The following IPO9 variants were observed in gnomAD, a reference collection of about 807,000 sequenced individuals.
IPO9 encodes the protein importin-9.
Under a neutral mutation model 128.6 loss-of-function variants are expected in IPO9, and 28 were observed. That is an observed-to-expected ratio of 0.22 (90% CI 0.16 to 0.30). The LOEUF (loss-of-function observed/expected upper bound fraction) is 0.30. IPO9 is among the 10% of genes least tolerant of loss of function. The pLI is 1.00. For synonymous variants in IPO9, 455 were observed against 475.8 expected, an observed-to-expected ratio of 0.96 and a Z score of 0.57; for missense variants, 935 against 1,293.9, an observed-to-expected ratio of 0.72 and a Z score of 4.26.
rs57906916 is a variant in IPO9 at position 201,859,216 on chromosome 1, T to G, written c.1468+222T>G. On this transcript the variant is annotated intron_variant, in intron 13 of 23. Transcript: ENST00000361565. ...ATATATATATATATATAAAGGAAAC[T>G]CTTTAAACCTGTCATTAACTTGGTT... 5.3e-3 allele frequency among the ~76,000 whole-genome samples: 753 copies of G among 142,760 alleles called. 9 individuals are homozygous for G. Among genetic ancestry groups the G allele is most frequent in the African/African-American group, 0.019 (715 of 37,652 alleles). 93.7% of individuals were successfully genotyped at this position (142,760 alleles called of 152,430 possible). A position where few individuals can be genotyped will look rare whatever the true frequency, so the allele number is the denominator to read the frequency against.
Position 201,876,452 on chromosome 1 carries a change from C to T in IPO9, c.*398C>T, listed in dbSNP as rs1269781939. On this transcript the variant is annotated 3_prime_UTR_variant, in exon 24 of 24. Coordinates refer to ENST00000361565, the MANE Select transcript of IPO9 (RefSeq NM_018085.5). ...CATTTATATTCTAAAACAGACCTAT[C>T]TATGTTCATAGGACTTCTGATGTGT... 5.7e-6 allele frequency: 2 copies of T among 350,740 alleles called. No homozygotes were observed. Among genetic ancestry groups the T allele is most frequent in the Non-Finnish European group, 1.1e-5 (2 of 177,614 alleles). The allele number at this position is 350,740 out of a possible 1,614,324, so 21.7% of individuals were successfully genotyped here. A position where few individuals can be genotyped will look rare whatever the true frequency, so the allele number is the denominator to read the frequency against.
At position 201,844,736 on chromosome 1, in the gene IPO9, C is replaced by G. The variant is rs1170022750; in HGVS notation, c.164-2543C>G. Among the ~76,000 whole-genome samples the G allele has an allele frequency of 4.6e-5, 7 of 152,128 alleles. No individual in the cohort carries two copies. In the East Asian group the frequency reaches 1.4e-3, roughly 29 times the overall value. ...TATTAACCTGGTTACTTGGATAAGC[C>G]CTGAACCTGAAACATTGCATGTAAC... On this transcript the variant is annotated intron_variant, in intron 1 of 23. Transcript: ENST00000361565.
rs1680930863 is a variant in IPO9 at position 201,883,645 on chromosome 1, A to G, written c.*7591A>G. ...TAGAGGGCTCACCTCAATGTTTTGC[A>G]CTGTGTGAGACCCCAGGACCTTTTC... On this transcript the variant is annotated 3_prime_UTR_variant, in exon 24 of 24. Coordinates refer to ENST00000361565, the MANE Select transcript of IPO9 (RefSeq NM_018085.5). The G allele has an allele frequency of 1.3e-5, 2 of 152,202 alleles. No individual in the cohort carries two copies. Among genetic ancestry groups the G allele is most frequent in the Non-Finnish European group, 2.9e-5 (2 of 68,062 alleles). The allele number at this position is 152,202 out of a possible 1,614,324, so 9.4% of individuals were successfully genotyped here.
At chr1:201,874,447 G>A in intron 21 of IPO9, 75 bp downstream of exon 21, 1 of 1,528,364 alleles carries the variant, frequency 6.5e-7, no homozygotes, top group South Asian at 1.2e-5. Context: ...TATCAACTTG[G>A]TTTGTTGAGT....
intron 14 of IPO9, among the ~76,000 whole-genome samples, chr1:201,865,766 T>C (rs925566131): frequency 6.6e-6 from 1 of 152,214 alleles, no homozygotes; most frequent in African/African-American, 2.4e-5. Context: ...GAATGTTGCT[T>C]ATCATGTCCA....
At position 201,852,154 on chromosome 1, in the gene IPO9, A is replaced by G; in HGVS notation, c.565A>G (p.Ile189Val). The change falls in exon 5 of 24, where the codon ATT becomes GTT. Residue 189 changes from isoleucine to valine, a missense_variant. Ile to Val is a conservative substitution (Grantham distance 29). Around this residue, in one of 3 missense-constraint regions of IPO9, gnomAD observed 741 missense variants for 1,019.1 expected, o/e 0.73. Coordinates refer to ENST00000361565, the MANE Select transcript of IPO9 (RefSeq NM_018085.5). ...ACAGATGCCACTTGTTGCTCCTGTC[A>G]TTCTCCCAGAGATGTATAAGATCTT... Reference protein sequence around the residue: ...DTQMPLVAPVILPEMYKIFTM... With the variant: ...DTQMPLVAPVVLPEMYKIFTM... 6.2e-7 allele frequency: 1 copy of G among 1,613,198 alleles called. No individual in the cohort carries two copies. The highest frequency in any genetic ancestry group is 8.5e-7 in the Non-Finnish European group (1 of 1,179,242).
intron 20 of IPO9, among the ~76,000 whole-genome samples, chr1:201,873,184 T>C (rs527818860): frequency 1.1e-3 from 162 of 152,344 alleles, no homozygotes; most frequent in African/African-American, 3.8e-3. Flanking sequence ...GGCTCACGCC[T>C]GTAATCCCAG....
At position 201,872,950 on chromosome 1, in the gene IPO9, A is replaced by G. The variant is rs1343280778; in HGVS notation, c.2699A>G (p.Lys900Arg). 1 of 1,612,440 alleles carries G rather than the reference A, an allele frequency of 6.2e-7. No individual in the cohort carries two copies. The highest frequency in any genetic ancestry group is 1.7e-5 in the Admixed American group (1 of 59,800). Residue 900 changes from lysine (K) to arginine (R), a missense_variant, in exon 20 of 24, where the codon AAG becomes AGG. Physicochemically the swap from Lys to Arg is conservative, Grantham distance 26. Coordinates refer to ENST00000361565, the MANE Select transcript of IPO9 (RefSeq NM_018085.5). ...SMDEGIRTRSKSAKNPERWTN... is the reference protein window; with the variant it reads ...SMDEGIRTRSRSAKNPERWTN... ...GATGAGGGCATCCGCACCCGCTCTA[A>G]GTCAGCCAAAAGTGGGTGCTGCTGC...
intron 23 of IPO9, 97 bp downstream of exon 23, chr1:201,875,325 C>T: frequency 9.1e-7 from 1 of 1,102,084 alleles, no homozygotes; most frequent in Non-Finnish European, 1.4e-6. Context: ...CATGGTGGCT[C>T]ATGCCTGTAA....
chr1:201,864,346 C>T (rs929719359), intron 14 of IPO9, among the ~76,000 whole-genome samples: 2 of 152,184 alleles, frequency 1.3e-5, no homozygotes, highest in Non-Finnish European at 2.9e-5. Flanking sequence ...TTTTCTGCTT[C>T]AATCTAGGTG....
intron 1 of IPO9, among the ~76,000 whole-genome samples, chr1:201,838,051 CAA>C (rs1049808806): frequency 6.6e-6 from 1 of 152,026 alleles, no homozygotes; most frequent in African/African-American, 2.4e-5. Flanking sequence ...GTCTGGGCAA[CAA>C]GAGTGCAACT....
chr1:201,837,831 G>T (rs972892303), intron 1 of IPO9, among the ~76,000 whole-genome samples: 1 of 152,190 alleles, frequency 6.6e-6, no homozygotes, highest in Non-Finnish European at 1.5e-5. Context: ...AGCACTTTGG[G>T]AGGCTGAGGC....
At chr1:201,875,338 C>A in intron 23 of IPO9, 110 bp downstream of exon 23, 2 of 996,876 alleles carry the variant, frequency 2.0e-6, no homozygotes, top group Non-Finnish European at 3.2e-6. Flanking sequence ...GCCTGTAATC[C>A]CAACACTTTG....
At position 201,877,063 on chromosome 1, in the gene IPO9, T is replaced by C. The variant is rs1680778234; in HGVS notation, c.*1009T>C. On this transcript the variant is annotated 3_prime_UTR_variant, in exon 24 of 24. Coordinates refer to ENST00000361565, the MANE Select transcript of IPO9 (RefSeq NM_018085.5). ...GGGAAAGGATTAGGTGGAGCCTGTCTAAACATTCTAGTGTGTCTTGGCAAA... is the reference window on the plus strand; with the variant it reads ...GGGAAAGGATTAGGTGGAGCCTGTCCAAACATTCTAGTGTGTCTTGGCAAA... 1 of 152,490 alleles carries C rather than the reference T, an allele frequency of 6.6e-6. No homozygotes were observed. Among genetic ancestry groups the C allele is most frequent in the South Asian group, 2.1e-4 (1 of 4,832 alleles). The allele number at this position is 152,490 out of a possible 1,614,324, so 9.4% of individuals were successfully genotyped here.
chr1:201,842,490 T>A (rs559204365), intron 1 of IPO9, among the ~76,000 whole-genome samples: 2 of 152,110 alleles, frequency 1.3e-5, no homozygotes, highest in Non-Finnish European at 2.9e-5. Context: ...GCCTAGATAT[T>A]TCCAGTGACC....
intron 6 of IPO9, among the ~76,000 whole-genome samples, chr1:201,853,983 A>C (rs1680272801): frequency 6.6e-6 from 1 of 151,500 alleles, no homozygotes; most frequent in African/African-American, 2.4e-5. Flanking sequence ...TGATCCACCC[A>C]CCTCGGCCTC....
intron 14 of IPO9, among the ~76,000 whole-genome samples, chr1:201,865,937 T>C (rs1215469975): frequency 1.3e-5 from 2 of 152,192 alleles, no homozygotes; most frequent in Non-Finnish European, 2.9e-5. Context: ...ACTTTGCCCC[T>C]CTAATGAACT....
chr1:201,880,266 A>T lies in IPO9; in HGVS notation c.*4212A>T, dbSNP rs1188159172. 1 of 152,184 alleles carries T rather than the reference A, an allele frequency of 6.6e-6. No individual in the cohort carries two copies. The highest frequency in any genetic ancestry group is 2.4e-5 in the African/African-American group (1 of 41,448). 9.4% of individuals were successfully genotyped at this position (152,184 alleles called of 1,614,324 possible). On this transcript the variant is annotated 3_prime_UTR_variant, in exon 24 of 24. Transcript: ENST00000361565. ...AACTCCAGTGTGGTTCTAGGATGAG[A>T]TAATAAAAACAGGTTGTCTAGGGTA...
rs1427219855 is a variant in IPO9 at position 201,879,828 on chromosome 1, C to T, written c.*3774C>T. On this transcript the variant is annotated 3_prime_UTR_variant, in exon 24 of 24. Transcript: ENST00000361565. ...CCTAGGTGGGTAAATCAGCTGAGAT[C>T]AGGAGTTCGAGACCAGCCTGGCCAA... The T allele has an allele frequency of 1.3e-5, 2 of 152,140 alleles. No individual in the cohort carries two copies. The highest frequency in any genetic ancestry group is 2.9e-5 in the Non-Finnish European group (2 of 68,044). The allele number at this position is 152,140 out of a possible 1,614,324, so 9.4% of individuals were successfully genotyped here. A position where few individuals can be genotyped will look rare whatever the true frequency, so the allele number is the denominator to read the frequency against.
Sources: allele counts gnomAD v4.1 joint callset (sites outside exome capture counted in the v4.1 genomes callset), GRCh38; gene constraint gnomAD v4.1.1; regional missense constraint gnomAD v4.1.1; transcripts MANE v1.5; gene names NCBI Gene and HGNC (gene_info 2026-07-23, HGNC 2026-07-21).